DIPK2B: variants seen among roughly 807,000 people sequenced by gnomAD.
The protein encoded by DIPK2B is divergent protein kinase domain 2B.
DIPK2B carries 15 observed loss-of-function variants against 22.2 expected under a neutral mutation model. That is an observed-to-expected ratio of 0.68 (90% CI 0.45 to 1.04). The LOEUF is 1.04. Ranked by LOEUF, DIPK2B falls within the 50% of genes least tolerant of loss-of-function variation. The probability of loss-of-function intolerance (pLI) is 0.00; values close to 1 mark genes in which losing one functional copy is unlikely to be tolerated. For missense variants in DIPK2B, 345 were observed against 348.3 expected (o/e 0.99, Z 0.08); for synonymous variants, 163 against 153.2 (o/e 1.06, Z -0.47).
At chrX:45,176,042 T>C (rs1054298152) in intron 2 of DIPK2B, among the ~76,000 whole-genome samples, 1 of 109,934 alleles carries the variant, frequency 9.1e-6, no homozygotes, top group African/African-American at 3.3e-5. Context: ...CCAGGAGGTC[T>C]ATGCAGAAGG....
At chrX:45,173,613 G>A (rs758043345) in intron 2 of DIPK2B, among the ~76,000 whole-genome samples, 1 of 99,598 alleles carries the variant, frequency 1.0e-5, no homozygotes, top group African/African-American at 3.7e-5. Flanking sequence ...TTTGGTGGAG[G>A]GGAGACAGGG....
chrX:45,159,403 G>T, intron 2 of DIPK2B, among the ~76,000 whole-genome samples: 1 of 111,766 alleles, frequency 8.9e-6, no homozygotes, highest in Middle Eastern at 4.6e-3. Context: ...TAAGTCAGTT[G>T]CTCCAAGTCA....
chrX:45,152,783 T>C (rs1448679883), intron 4 of DIPK2B, among the ~76,000 whole-genome samples: 1 of 110,269 alleles, frequency 9.1e-6, no homozygotes, highest in African/African-American at 3.3e-5. Flanking sequence ...ATACAAAAAT[T>C]AGCTGGGTGT....
intron 2 of DIPK2B, among the ~76,000 whole-genome samples, chrX:45,158,696 G>A (rs1242252634): frequency 2.7e-5 from 3 of 111,382 alleles, no homozygotes; most frequent in Non-Finnish European, 5.7e-5. Context: ...AATTTTACCC[G>A]CTTCCACAAC....
chrX:45,158,091 C>T (rs955671707), intron 2 of DIPK2B, among the ~76,000 whole-genome samples: 2 of 55,870 alleles, frequency 3.6e-5, no homozygotes, highest in South Asian at 1.2e-3. Context: ...TCTGCCCAGG[C>T]GGAGCAGGGG....
rs374928046 is a variant in DIPK2B, at chrX:45,151,720, G to T, written c.1234C>A (p.Pro412Thr). Reference protein sequence around the residue: ...AASQLKDILRPLRTCDSRFAY... With the variant: ...AASQLKDILRTLRTCDSRFAY... ...AATCTGGAGTCACACGTTCTCAGGG[G>T]CCTCAAGATGTCTTTCAGCTGGCTG... Residue 412 changes from proline (P) to threonine (T), a missense_variant, in exon 5 of 5, where the codon CCC (proline) becomes ACC (threonine). By Grantham distance (38) the Pro-to-Thr change is conservative. Transcript: ENST00000398000. 7 of 1,210,392 alleles carry T rather than the reference G, an allele frequency of 5.8e-6. No homozygotes were observed. Among genetic ancestry groups the T allele is most frequent in the Middle Eastern group, 4.6e-4 (2 of 4,373 alleles).
At chrX:45,197,289 G>A (rs1350314283) in intron 1 of DIPK2B, among the ~76,000 whole-genome samples, 1 of 108,738 alleles carries the variant, frequency 9.2e-6, no homozygotes, top group East Asian at 2.9e-4. Flanking sequence ...CCAGGCTGGA[G>A]TACAGTGGTG....
intron 2 of DIPK2B, among the ~76,000 whole-genome samples, chrX:45,176,686 T>C (rs1033923328): frequency 1.8e-5 from 2 of 111,899 alleles, no homozygotes; most frequent in African/African-American, 3.2e-5. Context: ...GCCTTTCTTT[T>C]TGGTGTCTTA....
intron 1 of DIPK2B, among the ~76,000 whole-genome samples, chrX:45,192,958 T>C (rs1477092077): frequency 8.9e-6 from 1 of 112,110 alleles, no homozygotes; most frequent in Non-Finnish European, 1.9e-5. Context: ...TTTGTATTTT[T>C]AGTAGAGACA....
chrX:45,195,293 G>A (rs750123496), intron 1 of DIPK2B, among the ~76,000 whole-genome samples: 36 of 110,463 alleles, frequency 3.3e-4, no homozygotes, highest in Non-Finnish European at 5.5e-4. Flanking sequence ...AGTGAGGCTG[G>A]CCAAGTTCCT....
chrX:45,183,976 C>A (rs772878236), intron 2 of DIPK2B, among the ~76,000 whole-genome samples: 3 of 111,675 alleles, frequency 2.7e-5, no homozygotes, highest in East Asian at 5.6e-4. Flanking sequence ...GTATCAGAAA[C>A]AAGTTGACAG....
At chrX:45,163,982 C>T (rs1603099961) in intron 2 of DIPK2B, 2 of 960,137 alleles carry the variant, frequency 2.1e-6, no homozygotes, top group African/African-American at 2.0e-5. Flanking sequence ...TTGGAGTTGT[C>T]ATCAGAGAAT....
At position 45,162,979 on chromosome X, in the gene DIPK2B, G is replaced by T. The variant is rs972645321; in HGVS notation, c.499-5091C>A. Reference sequence around the variant, plus strand: ...GTCGATAAAATTTAGCAGGCATGTTGCTGTGATGGTTAATTTTATGTGTCA... The same window carrying T: ...GTCGATAAAATTTAGCAGGCATGTTTCTGTGATGGTTAATTTTATGTGTCA... On this transcript the variant is annotated intron_variant, in intron 2 of 4. Transcript: ENST00000398000. 5 of 746,599 alleles carry T rather than the reference G, an allele frequency of 6.7e-6. No homozygotes were observed. In the African/African-American group the frequency reaches 1.2e-4, roughly 17 times the overall value. 61.5% of individuals were successfully genotyped at this position (746,599 alleles called of 1,213,427 possible). A position where few individuals can be genotyped will look rare whatever the true frequency, so the allele number is the denominator to read the frequency against.
intron 2 of DIPK2B, among the ~76,000 whole-genome samples, chrX:45,176,483 G>A (rs1391498754): frequency 2.7e-5 from 3 of 111,897 alleles, no homozygotes; most frequent in African/African-American, 9.8e-5. Context: ...CTTGTCCCTA[G>A]AATTGGCAAG....
intron 3 of DIPK2B, among the ~76,000 whole-genome samples, chrX:45,156,326 G>A (rs918576444): frequency 9.0e-6 from 1 of 111,075 alleles, no homozygotes; most frequent in Non-Finnish European, 1.9e-5. Flanking sequence ...GCCTACTGTC[G>A]TTGTCTACAG....
Position 45,191,799 on chromosome X carries a change from C to T in DIPK2B, c.450G>A (p.Arg150=). ...GCTTGGCCTGCAGCCATTTCTGGAA[C>T]CTCTCTGTTTTCCGCAGGACACGCT... ...SIERVLRKTE[R]FQKWLQAKRL... is the part of the protein sequence containing the mutation. The change falls in exon 2 of 5, where the codon AGG becomes AGA. Residue 150 remains arginine, a synonymous_variant. Transcript: ENST00000398000. The T allele has an allele frequency of 4.1e-6, 5 of 1,212,119 alleles. No homozygotes were observed. The highest frequency in any genetic ancestry group is 5.6e-6 in the Non-Finnish European group (5 of 895,598).
At chrX:45,155,000 AACAGTGGCTGGGT>A (rs756873923) in intron 3 of DIPK2B, among the ~76,000 whole-genome samples, 89 of 112,509 alleles carry the variant, frequency 7.9e-4, no homozygotes, top group Non-Finnish European at 1.5e-3. Flanking sequence ...TTTAAAAAAT[AACAGTGGCTGGGT>A]ACAGTGGCTC....
At chrX:45,191,390 C>T (rs774601506) in intron 2 of DIPK2B, 24 of 194,763 alleles carry the variant, frequency 1.2e-4, no homozygotes, top group African/African-American at 3.2e-4. Context: ...GCTAGCCTGG[C>T]GGCTGGCAAA....
chrX:45,168,773 T>A (rs2047062966), intron 2 of DIPK2B, among the ~76,000 whole-genome samples: 1 of 112,123 alleles, frequency 8.9e-6, no homozygotes, highest in Non-Finnish European at 1.9e-5. Context: ...CTTCATTCTA[T>A]CTTGTATTCC....
Sources: gnomAD v4.1 joint callset for allele counts (sites outside exome capture counted in the v4.1 genomes callset) on GRCh38, gnomAD v4.1.1 for gene constraint, MANE v1.5 for transcripts, NCBI Gene and HGNC (gene_info 2026-07-23, HGNC 2026-07-21) for gene names.